IMMP2L: variants seen among roughly 807,000 people sequenced by gnomAD.
IMMP2L encodes the protein inner mitochondrial membrane peptidase subunit 2.
Under a neutral mutation model 19.3 loss-of-function variants are expected in IMMP2L, and 18 were observed. That is an observed-to-expected ratio of 0.93 (90% CI 0.64 to 1.38). IMMP2L has a LOEUF of 1.38. Among genes scored for constraint, IMMP2L ranks in the 40% most tolerant of loss-of-function variants. The pLI, the probability that IMMP2L is intolerant of heterozygous loss-of-function variation, is 0.00. For synonymous variants in IMMP2L, 76 were observed against 73.0 expected (o/e 1.04, Z -0.21); for missense variants, 233 against 218.2 (o/e 1.07, Z -0.43).
At chr7:110,812,087 T>A (rs1389965201) in intron 5 of IMMP2L, among the ~76,000 whole-genome samples, 1 of 152,064 alleles carries the variant, frequency 6.6e-6, no homozygotes, top group African/African-American at 2.4e-5. Flanking sequence ...TATAGATACA[T>A]ATATCCACAT....
In IMMP2L at chr7:110,877,879, T is replaced by G. The variant is rs1481017761; in HGVS notation, c.408+8714A>C. Reference sequence around the variant, plus strand: ...TAACACCATTAAGGACCCAGACATATGTTTTTCCATATATTTTATACTCTA... The same window carrying G: ...TAACACCATTAAGGACCCAGACATAGGTTTTTCCATATATTTTATACTCTA... On this transcript the variant is annotated intron_variant, in intron 5 of 5. Transcript: ENST00000405709. The surrounding 1 kb of genome is among the most constrained non-coding windows in gnomAD (Gnocchi z 4.0). 1.3e-5 allele frequency among the ~76,000 whole-genome samples: 2 copies of G among 152,122 alleles called. No individual in the cohort carries two copies. Among genetic ancestry groups the G allele is most frequent in the Non-Finnish European group, 2.9e-5 (2 of 68,018 alleles).
At chr7:111,274,940 A>G (rs1818856623) in intron 3 of IMMP2L, among the ~76,000 whole-genome samples, 1 of 152,184 alleles carries the variant, frequency 6.6e-6, no homozygotes, top group Non-Finnish European at 1.5e-5. Context: ...TTGATCATTT[A>G]CAGCTCTGTC....
At chr7:111,426,361 T>C (rs960340443) in intron 3 of IMMP2L, among the ~76,000 whole-genome samples, 2 of 150,078 alleles carry the variant, frequency 1.3e-5, no homozygotes, top group Admixed American at 1.3e-4. Flanking sequence ...ATTTCATTTA[T>C]AATAATTAAA....
At chr7:111,211,145 T>C (rs1811265475) in intron 3 of IMMP2L, among the ~76,000 whole-genome samples, 1 of 152,170 alleles carries the variant, frequency 6.6e-6, no homozygotes, top group Admixed American at 6.5e-5. Flanking sequence ...AAGGAAATAC[T>C]ACAGAGAGTA....
intron 1 of IMMP2L, among the ~76,000 whole-genome samples, chr7:111,553,231 A>G (rs1352216626): frequency 6.6e-6 from 1 of 152,186 alleles, no homozygotes; most frequent in Non-Finnish European, 1.5e-5. Flanking sequence ...ATGAGTAGAG[A>G]AAACAGATCT....
At chr7:110,724,586 A>G (rs1795774226) in intron 5 of IMMP2L, 1 of 152,142 alleles carries the variant, frequency 6.6e-6, no homozygotes, top group African/African-American at 2.4e-5. Context: ...GGATTCTCCA[A>G]GGTTGCTAAG....
intron 3 of IMMP2L, among the ~76,000 whole-genome samples, chr7:111,193,473 T>A (rs1483326557): frequency 6.6e-6 from 1 of 152,124 alleles, no homozygotes; most frequent in Non-Finnish European, 1.5e-5. Context: ...CCAGAAACAA[T>A]CCTTAAAACA....
intron 3 of IMMP2L, among the ~76,000 whole-genome samples, chr7:111,068,813 T>A (rs2129575141): frequency 6.6e-6 from 1 of 152,280 alleles, no homozygotes; most frequent in Non-Finnish European, 1.5e-5. Flanking sequence ...GAACAAACCA[T>A]GAGATCATTC....
intron 5 of IMMP2L, among the ~76,000 whole-genome samples, chr7:110,807,088 A>T (rs1461968555): frequency 2.0e-5 from 3 of 151,882 alleles, no homozygotes; most frequent in African/African-American, 7.2e-5. Flanking sequence ...TGTTTAAGAG[A>T]CTTGTTCTGG....
At chr7:110,964,439 G>A (rs1819316416) in intron 3 of IMMP2L, among the ~76,000 whole-genome samples, 3 of 151,924 alleles carry the variant, frequency 2.0e-5, no homozygotes, top group Non-Finnish European at 4.4e-5. Context: ...ACTACATTTG[G>A]GTTTAGCCAT....
intron 5 of IMMP2L, among the ~76,000 whole-genome samples, chr7:110,749,102 T>G (rs929541597): frequency 6.6e-6 from 1 of 152,156 alleles, no homozygotes; most frequent in Admixed American, 6.5e-5. Flanking sequence ...AACAGACACT[T>G]CTCAAAAGAA....
intron 3 of IMMP2L, among the ~76,000 whole-genome samples, chr7:111,168,439 T>C (rs944968699): frequency 6.6e-6 from 1 of 151,924 alleles, no homozygotes; most frequent in Non-Finnish European, 1.5e-5. Context: ...GCCAGTCTTA[T>C]AAGTTGAGAG....
chr7:111,078,624 A>T (rs2129576087), intron 3 of IMMP2L, among the ~76,000 whole-genome samples: 1 of 152,312 alleles, frequency 6.6e-6, no homozygotes, highest in South Asian at 2.1e-4. Context: ...AGTGGTATAT[A>T]CAATATATCC....
chr7:110,820,467 T>C (rs981027776), intron 5 of IMMP2L, among the ~76,000 whole-genome samples: 10 of 152,052 alleles, frequency 6.6e-5, no homozygotes, highest in African/African-American at 2.4e-4. Context: ...ATCGGTGTTT[T>C]GTTTCCCATT....
chr7:111,496,786 T>C (rs1364996902), intron 2 of IMMP2L, among the ~76,000 whole-genome samples: 1 of 152,118 alleles, frequency 6.6e-6, no homozygotes, highest in Admixed American at 6.6e-5. Context: ...AGACTTGGAC[T>C]GAGCCAAGCT....
chr7:111,446,995 G>C (rs1234921927), intron 3 of IMMP2L, among the ~76,000 whole-genome samples: 2 of 148,162 alleles, frequency 1.3e-5, no homozygotes, highest in East Asian at 2.0e-4. Context: ...AGCGAGAAGG[G>C]AAGTTTAGAG....
intron 4 of IMMP2L, among the ~76,000 whole-genome samples, chr7:110,938,789 C>T (rs1024646239): frequency 6.6e-6 from 1 of 151,776 alleles, no homozygotes; most frequent in Middle Eastern, 3.2e-3. Context: ...GGAAGAATAT[C>T]GTTAAATGTA....
chr7:111,340,046 C>G (rs1205023869), intron 3 of IMMP2L, among the ~76,000 whole-genome samples: 1 of 151,878 alleles, frequency 6.6e-6, no homozygotes, highest in Non-Finnish European at 1.5e-5. Context: ...AAACAATTCA[C>G]TGTAACATAT....
chr7:111,454,245 T>A (rs1839482297), intron 3 of IMMP2L, among the ~76,000 whole-genome samples: 1 of 152,076 alleles, frequency 6.6e-6, no homozygotes, highest in South Asian at 2.1e-4. Context: ...TAATCCTCCA[T>A]CTCTGCCTCC....
Sources: allele counts gnomAD v4.1 joint callset (sites outside exome capture counted in the v4.1 genomes callset), GRCh38; gene constraint gnomAD v4.1.1; non-coding constraint Gnocchi (gnomAD v3.1); transcripts MANE v1.5; gene names NCBI Gene and HGNC (gene_info 2026-07-23, HGNC 2026-07-21).